The following MYH10 variants were observed in gnomAD, a reference collection of about 807,000 sequenced individuals.
The protein encoded by MYH10 is myosin heavy chain 10.
MYH10 carries 55 observed loss-of-function variants against 257.8 expected under a neutral mutation model. That is an observed-to-expected ratio of 0.21 (90% CI 0.17 to 0.27). The LOEUF is 0.27. Among genes scored for constraint, MYH10 ranks in the 10% least tolerant of loss-of-function variants. The probability of loss-of-function intolerance (pLI) is 1.00; values close to 1 mark genes in which losing one functional copy is unlikely to be tolerated. For synonymous variants in MYH10, 854 were observed against 921.7 expected, an observed-to-expected ratio of 0.93 and a Z score of 1.33; for missense variants, 1,631 against 2,500.6, an observed-to-expected ratio of 0.65 and a Z score of 7.42.
At position 8,588,174 on chromosome 17, in the gene MYH10, T is replaced by C. The variant is rs140862174; in HGVS notation, c.530+907A>G. Among the ~76,000 whole-genome samples the C allele has an allele frequency of 6.3e-3, 960 of 152,294 alleles. 12 individuals carry two copies. The highest frequency in any genetic ancestry group is 0.022 in the African/African-American group (926 of 41,550). On this transcript the variant is annotated intron_variant, in intron 4 of 42. Transcript: ENST00000360416. ...AGGCTTTCCTCAGGATTCCACACTC[T>C]GCTTTCTCTCAACACATTCTTCTAA... is the stretch of plus-strand genomic sequence containing the variant.
chr17:8,526,318 A>G (rs766240671), intron 17 of MYH10, among the ~76,000 whole-genome samples: 1 of 152,220 alleles, frequency 6.6e-6, no homozygotes, highest in Non-Finnish European at 1.5e-5. Flanking sequence ...AGACTCCAGC[A>G]GCTCCTTGAA....
intron 2 of MYH10, among the ~76,000 whole-genome samples, chr17:8,618,323 A>T (rs1299964005): frequency 2.0e-5 from 3 of 150,036 alleles, no homozygotes; most frequent in Non-Finnish European, 4.4e-5. Flanking sequence ...ATCTCAGCTC[A>T]CTGCAACCTC....
At chr17:8,518,836 A>G (rs1269090987) in intron 20 of MYH10, 45 bp from the exon 21 acceptor site, 1 of 1,602,168 alleles carries the variant, frequency 6.2e-7, no homozygotes, top group East Asian at 2.2e-5. Context: ...TACAAGAAAG[A>G]TTAGATTAAA....
chr17:8,512,341 C>G, intron 24 of MYH10, 110 bp downstream of exon 24: 1 of 810,652 alleles, frequency 1.2e-6, no homozygotes, highest in Non-Finnish European at 1.9e-6. Context: ...TAACCCAGAA[C>G]CCTTTTGCTT....
intron 7 of MYH10, among the ~76,000 whole-genome samples, chr17:8,564,940 A>T (rs2083116736): frequency 6.6e-6 from 1 of 152,218 alleles, no homozygotes; most frequent in South Asian, 2.1e-4. Flanking sequence ...AAATGTGGAC[A>T]GATCTGAAAC....
At chr17:8,603,529 C>T (rs1021769082) in intron 3 of MYH10, among the ~76,000 whole-genome samples, 2 of 152,172 alleles carry the variant, frequency 1.3e-5, no homozygotes, top group Non-Finnish European at 2.9e-5. Context: ...GAGATGTTAT[C>T]TGTTTAAATG....
rs79976302 is a variant in MYH10 at position 8,545,389 on chromosome 17, T to C, written c.1431+59A>G. On this transcript the variant is annotated intron_variant, in intron 13 of 42. Transcript: ENST00000360416. The surrounding 1 kb of genome is among the most constrained non-coding windows in gnomAD (Gnocchi z 4.7). The stretch of plus-strand genomic sequence containing the variant: ...GTACTGGGCACACAGTAAGCCTTCA[T>C]ATTTGTTAAAAGAACAAACAAAAAG... The C allele has an allele frequency of 2.4e-3, 3,885 of 1,587,538 alleles. 88 individuals carry two copies. In the African/African-American group the frequency reaches 0.046, roughly 19 times the overall value.
rs1282839088 is a variant in MYH10 at position 8,569,947 on chromosome 17, A to G, written c.664-135T>C. Reference sequence around the variant, plus strand: ...AGTTCTTTCATTCTGTCTGCCATCCAGCAACTTTTGTTGGCTTCTTAATCC... The same window carrying G: ...AGTTCTTTCATTCTGTCTGCCATCCGGCAACTTTTGTTGGCTTCTTAATCC... On this transcript the variant is annotated intron_variant, in intron 6 of 42. Transcript: ENST00000360416. This position sits in a 1 kb window ranked among gnomAD's most constrained non-coding sequence, Gnocchi z 4.1. The G allele has an allele frequency of 1.3e-5, 8 of 628,340 alleles. No individual in the cohort carries two copies. The East Asian group carries it at 2.4e-4, about 18-fold the overall frequency. 38.9% of individuals were successfully genotyped at this position (628,340 alleles called of 1,614,324 possible).
At chr17:8,518,515 A>G in intron 21 of MYH10, 116 bp downstream of exon 21, 1 of 1,127,998 alleles carries the variant, frequency 8.9e-7, no homozygotes. Context: ...ACTATAAAGC[A>G]ACTTCTGTAA....
Position 8,512,490 on chromosome 17 carries a change from G to A in MYH10, c.2913C>T (p.Ile971=). 6.2e-7 allele frequency: 1 copy of A among 1,613,394 alleles called. No individual in the cohort carries two copies. Among genetic ancestry groups the A allele is most frequent in the East Asian group, 2.2e-5 (1 of 44,842 alleles). The part of the protein sequence containing the change: ...RVEEEEERNQ[I]LQNEKKKMQA... Reference sequence around the variant, plus strand: ...GCATTTTTTTCTTTTCATTTTGGAGGATTTGGTTTCTTTCTTCTTCTTCTT... The same window carrying A: ...GCATTTTTTTCTTTTCATTTTGGAGAATTTGGTTTCTTTCTTCTTCTTCTT... Residue 971 remains isoleucine, a synonymous_variant, in exon 24 of 43, where the codon ATC becomes ATT. Coordinates refer to ENST00000360416, the MANE Select transcript of MYH10 (RefSeq NM_001256012.3).
At chr17:8,613,214 G>A (rs2085113324) in intron 2 of MYH10, among the ~76,000 whole-genome samples, 1 of 152,098 alleles carries the variant, frequency 6.6e-6, no homozygotes, top group Non-Finnish European at 1.5e-5. Context: ...ACAACCGCCG[G>A]CTCTGAATTC....
intron 24 of MYH10, chr17:8,511,059 T>TAC (rs767019613): frequency 5.0e-4 from 44 of 88,640 alleles, no homozygotes; most frequent in African/African-American, 2.4e-3. Flanking sequence ...TATATATATA[T>TAC]ACACACATAC....
intron 19 of MYH10, among the ~76,000 whole-genome samples, chr17:8,520,099 T>TACCCC (rs1163201677): frequency 6.6e-6 from 1 of 152,214 alleles, no homozygotes; most frequent in African/African-American, 2.4e-5. Context: ...TGGAAAGAAG[T>TACCCC]ACCCCAACAT....
chr17:8,495,854 C>T (rs916783625), intron 30 of MYH10, among the ~76,000 whole-genome samples: 8 of 152,108 alleles, frequency 5.3e-5, no homozygotes, highest in South Asian at 4.2e-4. Context: ...GGATTACAGG[C>T]GCTTGCTACC....
At chr17:8,623,515 A>T in intron 1 of MYH10, 1 of 223,600 alleles carries the variant, frequency 4.5e-6, no homozygotes. Context: ...CAAAAAAAAG[A>T]AAAGAAAAGA....
intron 7 of MYH10, chr17:8,560,839 G>T: frequency 1.7e-6 from 1 of 573,882 alleles, no homozygotes; most frequent in Non-Finnish European, 3.3e-6. Flanking sequence ...GTGGCTGGAT[G>T]GCAAGCACAA....
At chr17:8,563,212 CCT>C (rs2083054008) in intron 7 of MYH10, among the ~76,000 whole-genome samples, 1 of 152,136 alleles carries the variant, frequency 6.6e-6, no homozygotes, top group African/African-American at 2.4e-5. Flanking sequence ...CAGATGGCCA[CCT>C]TAAATGCTTT....
intron 7 of MYH10, chr17:8,561,178 A>C (rs2082980629): frequency 5.9e-6 from 4 of 676,608 alleles, no homozygotes; most frequent in Non-Finnish European, 1.1e-5. Context: ...CAAAGGAGAA[A>C]TGGGAGAAAA....
At chr17:8,585,339 A>C (rs1448402240) in intron 4 of MYH10, among the ~76,000 whole-genome samples, 1 of 133,382 alleles carries the variant, frequency 7.5e-6, no homozygotes, top group East Asian at 2.3e-4. Flanking sequence ...AGTTGACTAA[A>C]CAGTTTTTTA....
Sources: allele counts gnomAD v4.1 joint callset (sites outside exome capture counted in the v4.1 genomes callset), GRCh38; gene constraint gnomAD v4.1.1; non-coding constraint Gnocchi (gnomAD v3.1); transcripts MANE v1.5; gene names NCBI Gene and HGNC (gene_info 2026-07-23, HGNC 2026-07-21).